Variants in CELF5 observed in about 807,000 individuals in gnomAD.
The protein encoded by CELF5 is CUGBP Elav-like family member 5, also known as CUG-BP and ETR-3 like factor 5.
In CELF5, 6 loss-of-function variants were observed where a neutral mutation model predicts 54.9. That is an observed-to-expected ratio of 0.11 (90% CI 0.06 to 0.22). The LOEUF (loss-of-function observed/expected upper bound fraction) is 0.22, where lower values mean the gene tolerates loss of function less well. Ranked by LOEUF, CELF5 falls within the 10% of genes least tolerant of loss-of-function variation. The pLI, the probability that CELF5 is intolerant of heterozygous loss-of-function variation, is 1.00. For missense variants in CELF5, 401 were observed against 678.6 expected (o/e 0.59, Z 4.54); for synonymous variants, 271 against 290.9 (o/e 0.93, Z 0.70).
rs762994048 is a variant in CELF5 at position 3,278,146 on chromosome 19, G to T, written c.603+36G>T. On this transcript the variant is annotated intron_variant, in intron 5 of 12. Coordinates refer to ENST00000292672, the MANE Select transcript of CELF5 (RefSeq NM_021938.4). This position sits in a 1 kb window ranked among gnomAD's most constrained non-coding sequence, Gnocchi z 4.5. ...GCTGCCCTTGGCCGTGGGGGTGGGG[G>T]TGGGAAAGGGGTGAGGGGGACAGGG... The T allele has an allele frequency of 8.9e-6, 12 of 1,354,570 alleles. No individual in the cohort carries two copies. Among genetic ancestry groups the T allele is most frequent in the African/African-American group, 1.4e-5 (1 of 69,672 alleles). The allele number at this position is 1,354,570 out of a possible 1,614,324, so 83.9% of individuals were successfully genotyped here.
rs763390824 is a variant in CELF5, at chr19:3,268,358, G to A, written c.343-5514G>A. Among the ~76,000 whole-genome samples, 2 of 152,168 alleles carry A rather than the reference G, an allele frequency of 1.3e-5. No individual in the cohort carries two copies. The highest frequency in any genetic ancestry group is 4.8e-5 in the African/African-American group (2 of 41,430). ...AGGTGAGGCCTGTCAGGTGCTGAAC[G>A]CAGAACCCGAGCTCGGCACACAGGC... On this transcript the variant is annotated intron_variant, in intron 2 of 12. Transcript: ENST00000292672. This position sits in a 1 kb window ranked among gnomAD's most constrained non-coding sequence, Gnocchi z 4.4.
intron 1 of CELF5, among the ~76,000 whole-genome samples, chr19:3,236,261 A>C (rs909286057): frequency 6.6e-6 from 1 of 152,172 alleles, no homozygotes; most frequent in Non-Finnish European, 1.5e-5. Flanking sequence ...TGGGCTAGGA[A>C]GGTGGAGGAG....
chr19:3,279,438 G>A (rs986665316), intron 5 of CELF5, among the ~76,000 whole-genome samples: 4 of 152,136 alleles, frequency 2.6e-5, no homozygotes, highest in Admixed American at 2.6e-4. Flanking sequence ...AAAACCCAGG[G>A]GAGGGGCTTA....
chr19:3,269,471 C>A (rs1228150572), intron 2 of CELF5, among the ~76,000 whole-genome samples: 1 of 152,166 alleles, frequency 6.6e-6, no homozygotes, highest in East Asian at 1.9e-4. Flanking sequence ...AGCCACCGCG[C>A]CCGGCCCCTC....
intron 1 of CELF5, among the ~76,000 whole-genome samples, chr19:3,237,517 G>A (rs1270450492): frequency 3.9e-5 from 6 of 151,996 alleles, no homozygotes; most frequent in Admixed American, 2.6e-4. Context: ...ATTTGCAGAC[G>A]TTGCCATGGC....
At chr19:3,234,441 A>T (rs562884154) in intron 1 of CELF5, among the ~76,000 whole-genome samples, 1 of 152,256 alleles carries the variant, frequency 6.6e-6, no homozygotes, top group East Asian at 1.9e-4. Flanking sequence ...ACACTTGGCA[A>T]TGTCTGGAGA....
chr19:3,229,092 C>T (rs1227589491), intron 1 of CELF5, among the ~76,000 whole-genome samples: 1 of 119,300 alleles, frequency 8.4e-6, no homozygotes, highest in Non-Finnish European at 1.7e-5. Flanking sequence ...GCACCTCCCT[C>T]CCCCCGCCCC....
intron 1 of CELF5, among the ~76,000 whole-genome samples, chr19:3,244,970 G>T (rs2079544718): frequency 6.9e-6 from 1 of 145,786 alleles, no homozygotes; most frequent in Non-Finnish European, 1.5e-5. Flanking sequence ...TTGTCTGCGT[G>T]TGTGTGTGCA....
intron 1 of CELF5, among the ~76,000 whole-genome samples, chr19:3,226,604 C>T (rs1438994330): frequency 2.0e-5 from 3 of 152,128 alleles, no homozygotes; most frequent in Non-Finnish European, 4.4e-5. Flanking sequence ...CGCCCCCACC[C>T]CTGGGTACAC....
rs908767186 is a variant in CELF5 at position 3,278,809 on chromosome 19, ATG to A, written c.603+705_603+706del. Among the ~76,000 whole-genome samples the A allele has an allele frequency of 6.6e-6, 1 of 151,840 alleles. No homozygotes were observed. The highest frequency in any genetic ancestry group is 1.5e-5 in the Non-Finnish European group (1 of 67,948). Reference sequence around the variant, plus strand: ...ATAGGTTGTGAGTGGGTGAGTGTGTATGTGTGTACATGTAAGGGTATCCTAAG... The same window carrying A: ...ATAGGTTGTGAGTGGGTGAGTGTGTATGTGTACATGTAAGGGTATCCTAAG... On this transcript the variant is annotated intron_variant, in intron 5 of 12. Coordinates refer to ENST00000292672, the MANE Select transcript of CELF5 (RefSeq NM_021938.4). The surrounding 1 kb of genome is among the most constrained non-coding windows in gnomAD (Gnocchi z 4.5).
chr19:3,288,950 G>T (rs1352498954), intron 10 of CELF5, among the ~76,000 whole-genome samples: 1 of 152,132 alleles, frequency 6.6e-6, no homozygotes, highest in East Asian at 1.9e-4. Flanking sequence ...AGACTTGAGG[G>T]ACTGTTTAAG....
rs976169107 is a variant in CELF5 at position 3,224,769 on chromosome 19, C to CCGG, written c.32_34dup (p.Arg11dup). ...CCCGCCTGACGGAGAGCGAGGCGCG[C>CCGG]CGGCAGCAGCAGCAGCTCCTGCAGC... On this transcript the variant is annotated inframe_insertion, in exon 1 of 13. Transcript: ENST00000292672. 1 of 1,441,686 alleles carries CCGG rather than the reference C, an allele frequency of 6.9e-7. No individual in the cohort carries two copies. The highest frequency in any genetic ancestry group is 1.5e-5 in the African/African-American group (1 of 66,554). The allele number at this position is 1,441,686 out of a possible 1,614,324, so 89.3% of individuals were successfully genotyped here.
chr19:3,248,865 C>CCTTT (rs1398266321), intron 1 of CELF5, among the ~76,000 whole-genome samples: 4 of 87,522 alleles, frequency 4.6e-5, no homozygotes, highest in South Asian at 8.7e-4. Context: ...TTCCTTCCTT[C>CCTTT]CTTCCTTCCT....
chr19:3,229,822 C>T (rs569710159), intron 1 of CELF5, among the ~76,000 whole-genome samples: 1 of 152,316 alleles, frequency 6.6e-6, no homozygotes, highest in East Asian at 1.9e-4. Context: ...TGCGAGGGCC[C>T]AGAGGGGCGC....
In CELF5 at chr19:3,278,679, T is replaced by TGTG. The variant is rs2080097503; in HGVS notation, c.603+569_603+570insGTG. Among the ~76,000 whole-genome samples the TGTG allele has an allele frequency of 6.7e-6, 1 of 148,892 alleles. No homozygotes were observed. Among genetic ancestry groups the TGTG allele is most frequent in the Non-Finnish European group, 1.5e-5 (1 of 67,152 alleles). The stretch of plus-strand genomic sequence containing the variant: ...TCTGCAGGTGCATTTGTGGGCAGGT[T>TGTG]TGTGTGTGTGTGTGTGTGTGTTTGT... On this transcript the variant is annotated intron_variant, in intron 5 of 12. Coordinates refer to ENST00000292672, the MANE Select transcript of CELF5 (RefSeq NM_021938.4). This position sits in a 1 kb window ranked among gnomAD's most constrained non-coding sequence, Gnocchi z 4.5.
chr19:3,255,195 T>A (rs564554621), intron 2 of CELF5, among the ~76,000 whole-genome samples: 1 of 151,888 alleles, frequency 6.6e-6, no homozygotes, highest in East Asian at 1.9e-4. Flanking sequence ...CACCCCCCAA[T>A]TTTTTTTGAG....
At chr19:3,273,819 C>A in intron 2 of CELF5, 53 bp from the exon 3 acceptor site, 2 of 1,185,672 alleles carry the variant, frequency 1.7e-6, no homozygotes, top group Non-Finnish European at 2.5e-6. Context: ...AACCCCCCGC[C>A]TGCCACACCC....
chr19:3,285,858 C>A, intron 9 of CELF5, 84 bp from the exon 10 acceptor site: 1 of 912,456 alleles, frequency 1.1e-6, no homozygotes, highest in South Asian at 1.9e-5. Flanking sequence ...TCTTATGGCC[C>A]CGCCCCCTCC....
At chr19:3,292,531 G>A (rs1286219918) in intron 11 of CELF5, among the ~76,000 whole-genome samples, 5 of 152,064 alleles carry the variant, frequency 3.3e-5, no homozygotes, top group African/African-American at 9.7e-5. Context: ...TGATCTGCCC[G>A]TCTTGGCCTC....
Sources: gnomAD v4.1 joint callset for allele counts (sites outside exome capture counted in the v4.1 genomes callset) on GRCh38, gnomAD v4.1.1 for gene constraint, Gnocchi (gnomAD v3.1) non-coding constraint, MANE v1.5 for transcripts, NCBI Gene and HGNC (gene_info 2026-07-23, HGNC 2026-07-21) for gene names.